The following ITGAE variants were observed in gnomAD, a reference collection of about 807,000 sequenced individuals.
ITGAE encodes the protein integrin subunit alpha E.
ITGAE carries 99 observed loss-of-function variants against 136.5 expected under a neutral mutation model. That is an observed-to-expected ratio of 0.73 (90% CI 0.62 to 0.86). ITGAE has a LOEUF of 0.86. Among genes scored for constraint, ITGAE ranks in the 40% least tolerant of loss-of-function variants. ITGAE has a pLI of 0.00. For missense variants in ITGAE, 1,447 were observed against 1,515.3 expected (o/e 0.95, Z 0.75); for synonymous variants, 613 against 591.8 (o/e 1.04, Z -0.52).
At chr17:3,796,170 C>CTGTGTGTGTGT (rs2053095672) in intron 1 of ITGAE, among the ~76,000 whole-genome samples, 1 of 127,040 alleles carries the variant, frequency 7.9e-6, no homozygotes, top group Admixed American at 8.4e-5. Flanking sequence ...TGTGTGCATC[C>CTGTGTGTGTGT]GTGTGTGTGT....
chr17:3,750,207 C>A (rs2051828796), intron 16 of ITGAE, 145 bp downstream of exon 16: 2 of 1,191,856 alleles, frequency 1.7e-6, no homozygotes, highest in African/African-American at 1.5e-5. Flanking sequence ...AGGTTCAAAC[C>A]CAGACGGGCA....
At chr17:3,779,576 G>A (rs757148430) in intron 1 of ITGAE, among the ~76,000 whole-genome samples, 5 of 152,132 alleles carry the variant, frequency 3.3e-5, no homozygotes, top group Admixed American at 6.6e-5. Context: ...TGATCCACCT[G>A]CCTTGGCCTC....
chr17:3,761,047 C>T lies in ITGAE; in HGVS notation c.564G>A (p.Lys188=). The T allele has an allele frequency of 6.2e-7, 1 of 1,603,420 alleles. No homozygotes were observed. Among genetic ancestry groups the T allele is most frequent in the South Asian group, 1.1e-5 (1 of 90,868 alleles). Reference sequence around the variant, plus strand: ...CCTCCTCCTCGTCTTCCTCCTCCTCCTTGTCTTCCTCCTCCTCCTTCTCCA... The same window carrying T: ...CCTCCTCCTCGTCTTCCTCCTCCTCTTTGTCTTCCTCCTCCTCCTTCTCCA... The part of the protein sequence containing the change: ...RALEKEEEED[K]EEEEDEEEEE... Residue 188 remains lysine (K), a synonymous_variant, in exon 6 of 31, where the codon AAG becomes AAA. Transcript: ENST00000263087.
At chr17:3,732,635 G>A (rs950416928) in intron 21 of ITGAE, among the ~76,000 whole-genome samples, 169 bp from the exon 22 acceptor site, 6 of 152,170 alleles carry the variant, frequency 3.9e-5, no homozygotes, top group Non-Finnish European at 7.3e-5. Context: ...CTCACAAGCC[G>A]GACAGGCAGG....
intron 19 of ITGAE, among the ~76,000 whole-genome samples, chr17:3,742,243 A>G (rs7219655): frequency 0.22 from 33,076 of 152,124 alleles, 6,036 homozygotes; most frequent in African/African-American, 0.49. Context: ...AGGAGACTAA[A>G]GATAAATAAC....
At chr17:3,797,332 AT>A (rs1188189598) in intron 1 of ITGAE, among the ~76,000 whole-genome samples, 2 of 149,970 alleles carry the variant, frequency 1.3e-5, no homozygotes, top group South Asian at 2.1e-4. Context: ...TGCCCAGCTA[AT>A]TTTTTGTGTT....
rs761221456 is a variant in ITGAE at position 3,723,991 on chromosome 17, C to T, written c.3085-247G>A. The stretch of plus-strand genomic sequence containing the variant: ...CGGCTTTTCCGCACATATGGGGCTG[C>T]GGACGGCAGGAGACAGCGGCGGCCG... On this transcript the variant is annotated intron_variant, in intron 26 of 30. Coordinates refer to ENST00000263087, the MANE Select transcript of ITGAE (RefSeq NM_002208.5). 9 of 1,593,272 alleles carry T rather than the reference C, an allele frequency of 5.6e-6. No homozygotes were observed. In the East Asian group the frequency reaches 1.8e-4, roughly 32 times the overall value.
At chr17:3,734,524 G>C (rs2051418578) in intron 21 of ITGAE, among the ~76,000 whole-genome samples, 1 of 152,210 alleles carries the variant, frequency 6.6e-6, no homozygotes, top group Non-Finnish European at 1.5e-5. Context: ...CACTTTCCCA[G>C]TCTAAGCTAA....
At chr17:3,731,365 G>A (rs1426712603) in intron 22 of ITGAE, among the ~76,000 whole-genome samples, 182 bp from the exon 23 acceptor site, 3 of 139,448 alleles carry the variant, frequency 2.2e-5, no homozygotes, top group Non-Finnish European at 3.1e-5. Flanking sequence ...TTTTTGAGAG[G>A]GAGTCTCGCT....
intron 1 of ITGAE, among the ~76,000 whole-genome samples, chr17:3,783,790 A>C (rs1421398847): frequency 1.3e-5 from 2 of 152,266 alleles, no homozygotes; most frequent in African/African-American, 2.4e-5. Flanking sequence ...ATATATGCAC[A>C]CAAATATGTT....
In ITGAE at chr17:3,755,749, G is replaced by C. The variant is rs535030856; in HGVS notation, c.1239+81C>G. 68 of 1,202,700 alleles carry C rather than the reference G, an allele frequency of 5.7e-5. No homozygotes were observed. In the East Asian group the frequency reaches 1.6e-3, roughly 28 times the overall value. 74.5% of individuals were successfully genotyped at this position (1,202,700 alleles called of 1,614,324 possible). ...ACAGGTAGGGCAGAGCCCTGGATGG[G>C]AGGCAGGAGTCCCTGAATCCTAGGT... On this transcript the variant is annotated intron_variant, in intron 11 of 30. Coordinates refer to ENST00000263087, the MANE Select transcript of ITGAE (RefSeq NM_002208.5).
chr17:3,747,050 A>G (rs2051734028), intron 17 of ITGAE, among the ~76,000 whole-genome samples: 1 of 152,162 alleles, frequency 6.6e-6, no homozygotes, highest in Non-Finnish European at 1.5e-5. Flanking sequence ...GAATCGTTCC[A>G]GGGGGGAGCT....
intron 22 of ITGAE, 23 bp downstream of exon 22, chr17:3,732,345 C>G: frequency 6.4e-7 from 1 of 1,560,774 alleles, no homozygotes; most frequent in Non-Finnish European, 8.8e-7. Context: ...GTGAGAAGAG[C>G]GAATCAGTCC....
At position 3,758,448 on chromosome 17, in the gene ITGAE, TTTATTA is replaced by T. The variant is rs898031979; in HGVS notation, c.867-595_867-590del. ...ATTATTCTCATTTTATTTATTTATTTTTATTATTATTATTATTGAGATAGATGGAGT... is the reference window on the plus strand; with the variant it reads ...ATTATTCTCATTTTATTTATTTATTTTTATTATTATTGAGATAGATGGAGT... On this transcript the variant is annotated intron_variant, in intron 8 of 30. Transcript: ENST00000263087. Among the ~76,000 whole-genome samples the T allele has an allele frequency of 1.0e-3, 152 of 151,862 alleles. 1 individual carries two copies. Among genetic ancestry groups the T allele is most frequent in the African/African-American group, 3.3e-3 (137 of 41,444 alleles).
chr17:3,730,665 A>G lies in ITGAE; in HGVS notation c.2834+439T>C, dbSNP rs932054511. Among the ~76,000 whole-genome samples, 9 of 152,136 alleles carry G rather than the reference A, an allele frequency of 5.9e-5. 1 individual carries two copies. Among genetic ancestry groups the G allele is most frequent in the African/African-American group, 2.2e-4 (9 of 41,520 alleles). ...AGTATTCCTGGCCTCTACCCACCAG[A>G]TGTCCTACTGAACACCCCCCTCCCC... On this transcript the variant is annotated intron_variant, in intron 23 of 30. Coordinates refer to ENST00000263087, the MANE Select transcript of ITGAE (RefSeq NM_002208.5).
intron 28 of ITGAE, chr17:3,721,852 C>A (rs2051057747): frequency 6.6e-6 from 1 of 151,780 alleles, no homozygotes; most frequent in African/African-American, 2.4e-5. Context: ...TCAAGACCAG[C>A]CTGACCAACA....
intron 1 of ITGAE, among the ~76,000 whole-genome samples, chr17:3,790,921 A>G (rs4274473): frequency 0.83 from 126,538 of 151,880 alleles, 53,782 homozygotes; most frequent in African/African-American, 0.95. Flanking sequence ...TTGGGAGGCC[A>G]AGGCAGGCAG....
At position 3,786,061 on chromosome 17, in the gene ITGAE, G is replaced by C. The variant is rs549725613; in HGVS notation, c.35-8401C>G. ...GGGCGCCTGTAGTCCCAGCTACTCGGGAGGCTGAGGCAGGAGAATGGCGTG... is the reference window on the plus strand; with the variant it reads ...GGGCGCCTGTAGTCCCAGCTACTCGCGAGGCTGAGGCAGGAGAATGGCGTG... On this transcript the variant is annotated intron_variant, in intron 1 of 30. Transcript: ENST00000263087. Among the ~76,000 whole-genome samples, 14 of 151,806 alleles carry C rather than the reference G, an allele frequency of 9.2e-5. No individual in the cohort carries two copies. In the South Asian group the frequency reaches 2.9e-3, roughly 32 times the overall value.
intron 1 of ITGAE, among the ~76,000 whole-genome samples, chr17:3,797,967 A>G (rs1229701982): frequency 2.0e-5 from 3 of 152,002 alleles, no homozygotes; most frequent in East Asian, 1.9e-4. Flanking sequence ...AGGAACTCCA[A>G]GCTCCCCCAG....
Sources: allele counts gnomAD v4.1 joint callset (sites outside exome capture counted in the v4.1 genomes callset), GRCh38; gene constraint gnomAD v4.1.1; transcripts MANE v1.5; gene names NCBI Gene and HGNC (gene_info 2026-07-23, HGNC 2026-07-21).